The following TRDN variants were observed in gnomAD, a reference collection of about 807,000 sequenced individuals.
TRDN encodes the protein triadin in skeletal muscle.
Under a neutral mutation model 149.7 loss-of-function variants are expected in TRDN, and 161 were observed. The ratio of observed to expected loss-of-function variants is 1.08; its 90% CI spans 0.95 to 1.23. The LOEUF is 1.23. Among genes scored for constraint, TRDN ranks in the 50% most tolerant of loss-of-function variants. The pLI is 0.00. For synonymous variants in TRDN, 294 were observed against 250.5 expected (o/e 1.17, Z -1.64); for missense variants, 896 against 823.5 (o/e 1.09, Z -1.08).
At chr6:123,452,890 T>C (rs190101206) in intron 10 of TRDN, among the ~76,000 whole-genome samples, 2 of 152,104 alleles carry the variant, frequency 1.3e-5, no homozygotes, top group East Asian at 3.9e-4. Context: ...CATGGTACTG[T>C]TATAAAAATA....
chr6:123,346,109 C>T (rs1780237271), intron 21 of TRDN, among the ~76,000 whole-genome samples: 1 of 152,032 alleles, frequency 6.6e-6, no homozygotes. Context: ...TGTTCCTGAC[C>T]TCAGCAAGAG....
rs1776543730 is a variant in TRDN at position 123,255,984 on chromosome 6, G to A, written c.1871-82C>T. ...CTTTAAGTTCTGGGATACATGTGCAGAACATGCAGGTTTGTTACATAGGTA... is the reference window on the plus strand; with the variant it reads ...CTTTAAGTTCTGGGATACATGTGCAAAACATGCAGGTTTGTTACATAGGTA... On this transcript the variant is annotated intron_variant, in intron 35 of 40. Transcript: ENST00000334268. 28 of 816,150 alleles carry A rather than the reference G, an allele frequency of 3.4e-5. No individual in the cohort carries two copies. In the East Asian group the frequency reaches 1.1e-3, roughly 32 times the overall value. The allele number at this position is 816,150 out of a possible 1,614,324, so 50.6% of individuals were successfully genotyped here.
At chr6:123,446,247 G>A (rs896402989) in intron 10 of TRDN, among the ~76,000 whole-genome samples, 6 of 150,942 alleles carry the variant, frequency 4.0e-5, no homozygotes, top group South Asian at 4.2e-4. Context: ...GGGGTGGGGG[G>A]AGTGGGGAGG....
chr6:123,350,365 T>C, intron 21 of TRDN: 9 of 918,660 alleles, frequency 9.8e-6, no homozygotes, highest in Non-Finnish European at 1.0e-5. Flanking sequence ...ACTTAAACTC[T>C]ATTAAGAGTA....
intron 35 of TRDN, among the ~76,000 whole-genome samples, chr6:123,259,058 A>G (rs1378368286): frequency 6.6e-6 from 1 of 151,548 alleles, no homozygotes; most frequent in Non-Finnish European, 1.5e-5. Context: ...CTAATGGTTT[A>G]TCTATTTTGT....
chr6:123,548,197 G>T (rs1781212168), intron 3 of TRDN, among the ~76,000 whole-genome samples: 1 of 151,894 alleles, frequency 6.6e-6, no homozygotes, highest in South Asian at 2.1e-4. Context: ...GACTCCCTTT[G>T]CTGTAATGCT....
chr6:123,624,007 C>T (rs987854488), intron 1 of TRDN, among the ~76,000 whole-genome samples: 3 of 152,064 alleles, frequency 2.0e-5, no homozygotes, highest in African/African-American at 2.4e-5. Context: ...ACTGGCAGCC[C>T]AGTGTCAGAG....
intron 24 of TRDN, among the ~76,000 whole-genome samples, chr6:123,303,518 GTT>G (rs1396829266): frequency 6.6e-6 from 1 of 152,132 alleles, no homozygotes; most frequent in East Asian, 1.9e-4. Context: ...ATAAAGACAT[GTT>G]TACCGCTAGA....
At chr6:123,276,033 C>CA in intron 26 of TRDN, among the ~76,000 whole-genome samples, 1 of 151,964 alleles carries the variant, frequency 6.6e-6, no homozygotes, top group East Asian at 1.9e-4. Flanking sequence ...AGGGCAAAGC[C>CA]AAAAGGGGAA....
chr6:123,495,075 C>A (rs1020694429), intron 9 of TRDN, among the ~76,000 whole-genome samples: 1 of 152,006 alleles, frequency 6.6e-6, no homozygotes, highest in East Asian at 1.9e-4. Context: ...GAGACAGGGT[C>A]TCACCCTGTA....
chr6:123,515,456 G>T (rs2114868976), intron 6 of TRDN, among the ~76,000 whole-genome samples: 1 of 151,968 alleles, frequency 6.6e-6, no homozygotes, highest in South Asian at 2.1e-4. Flanking sequence ...TTTTTAAAGA[G>T]AATGAGGACA....
chr6:123,440,529 T>C (rs1056629286), intron 10 of TRDN, among the ~76,000 whole-genome samples: 2 of 152,190 alleles, frequency 1.3e-5, no homozygotes, highest in Non-Finnish European at 2.9e-5. Flanking sequence ...TGCCAGACAA[T>C]TGAATAGCCA....
At chr6:123,258,958 G>C (rs1776657762) in intron 35 of TRDN, among the ~76,000 whole-genome samples, 1 of 152,142 alleles carries the variant, frequency 6.6e-6, no homozygotes, top group South Asian at 2.1e-4. Flanking sequence ...ATGGTAGTTT[G>C]TATTTCTGTG....
At chr6:123,246,870 C>T (rs60381543) in intron 38 of TRDN, among the ~76,000 whole-genome samples, 6,924 of 151,952 alleles carry the variant, frequency 0.046, 425 homozygotes, top group African/African-American at 0.15. Flanking sequence ...ACTGACAAAC[C>T]GAATCCAGCA....
At chr6:123,433,145 T>TAA (rs1562310403) in intron 12 of TRDN, among the ~76,000 whole-genome samples, 1 of 63,870 alleles carries the variant, frequency 1.6e-5, no homozygotes, top group East Asian at 1.3e-3. Context: ...ACATCATAAA[T>TAA]ATATATATAT....
chr6:123,258,793 T>A (rs1464563692), intron 35 of TRDN, among the ~76,000 whole-genome samples: 1 of 152,144 alleles, frequency 6.6e-6, no homozygotes, highest in Non-Finnish European at 1.5e-5. Context: ...TGGCAGGCTA[T>A]TAATTACTGC....
rs555180710 is a variant in TRDN, at chr6:123,626,911, ATTATTTTATTTTATT to A, written c.22+9828_22+9842del. Among the ~76,000 whole-genome samples the A allele has an allele frequency of 6.6e-5, 10 of 150,898 alleles. No homozygotes were observed. In the East Asian group the frequency reaches 1.7e-3, roughly 26 times the overall value. On this transcript the variant is annotated intron_variant, in intron 1 of 40. Transcript: ENST00000334268. ...TATAAAATGTTTTTTTTAATTTTTT[ATTATTTTATTTTATT>A]TTATTTTATTTTATTTTTTGAGACA...
At chr6:123,323,153 C>T (rs1481400784) in intron 23 of TRDN, among the ~76,000 whole-genome samples, 1 of 152,120 alleles carries the variant, frequency 6.6e-6, no homozygotes, top group East Asian at 1.9e-4. Flanking sequence ...AAATATGAAG[C>T]AGAATCCCTG....
At chr6:123,402,830 G>T (rs1384230457) in intron 12 of TRDN, among the ~76,000 whole-genome samples, 1 of 152,188 alleles carries the variant, frequency 6.6e-6, no homozygotes, top group Admixed American at 6.5e-5. Flanking sequence ...ACAATTTTGA[G>T]ATTTGTTTGA....
Sources: gnomAD v4.1 joint callset for allele counts (sites outside exome capture counted in the v4.1 genomes callset) on GRCh38, gnomAD v4.1.1 for gene constraint, MANE v1.5 for transcripts, NCBI Gene and HGNC (gene_info 2026-07-23, HGNC 2026-07-21) for gene names.